The following ITGA2 variants were observed in gnomAD, a reference collection of about 807,000 sequenced individuals.
ITGA2 encodes integrin subunit alpha 2, also known as integrin alpha-2.
ITGA2 carries 101 observed loss-of-function variants against 146.3 expected under a neutral mutation model. The ratio of observed to expected loss-of-function variants is 0.69; its 90% CI spans 0.59 to 0.81. The LOEUF is 0.81. Among genes scored for constraint, ITGA2 ranks in the 40% least tolerant of loss-of-function variants. ITGA2 has a pLI of 0.00. For synonymous variants in ITGA2, 477 were observed against 487.1 expected, an observed-to-expected ratio of 0.98 and a Z score of 0.27; for missense variants, 1,281 against 1,402.7, an observed-to-expected ratio of 0.91 and a Z score of 1.39.
rs983057837 is a variant in ITGA2 at position 53,044,888 on chromosome 5, A to T, written c.296-113A>T. The T allele has an allele frequency of 5.5e-5, 41 of 750,576 alleles. 1 individual carries two copies. The Admixed American group carries it at 6.2e-4, about 11-fold the overall frequency. The allele number at this position is 750,576 out of a possible 1,614,324, so 46.5% of individuals were successfully genotyped here. On this transcript the variant is annotated intron_variant, in intron 3 of 29. Transcript: ENST00000296585. ...TTATATAACTCAAGTACCTATATTG[A>T]TGACACTAAATTCAATGCTACATGC...
At chr5:53,065,173 T>C in intron 14 of ITGA2, 58 bp downstream of exon 14, 1 of 1,499,682 alleles carries the variant, frequency 6.7e-7, no homozygotes, top group South Asian at 1.1e-5. Context: ...ATATTAGACA[T>C]AGAAAGCGTC....
chr5:53,076,227 A>G (rs1252495028), intron 23 of ITGA2, among the ~76,000 whole-genome samples: 1 of 151,996 alleles, frequency 6.6e-6, no homozygotes, highest in Non-Finnish European at 1.5e-5. Flanking sequence ...GCACAGATCA[A>G]TGACCCCTGA....
At chr5:53,060,115 A>T in intron 11 of ITGA2, 103 bp downstream of exon 11, 1 of 1,177,968 alleles carries the variant, frequency 8.5e-7, no homozygotes, top group Non-Finnish European at 1.3e-6. Context: ...TTGAACTGTC[A>T]TCTAATTATC....
Position 53,011,743 on chromosome 5 carries a change from G to GA in ITGA2, c.65-15004dup, listed in dbSNP as rs1487135240. On this transcript the variant is annotated intron_variant, in intron 1 of 29. Coordinates refer to ENST00000296585, the MANE Select transcript of ITGA2 (RefSeq NM_002203.4). ...TGATGGTGAATATGTGAGTGGGGGG[G>GA]AGTGAGGGGAGTGGTAATAAGGAAG... 3.9e-5 allele frequency among the ~76,000 whole-genome samples: 6 copies of GA among 151,960 alleles called. No individual in the cohort carries two copies. In the East Asian group the frequency reaches 1.2e-3, roughly 29 times the overall value.
intron 1 of ITGA2, among the ~76,000 whole-genome samples, chr5:53,017,619 G>T (rs1742457770): frequency 6.6e-6 from 1 of 152,178 alleles, no homozygotes; most frequent in Non-Finnish European, 1.5e-5. Context: ...GCTGGGGTGG[G>T]GCTCCAGAAG....
At chr5:53,079,599 A>G (rs1745819112) in intron 24 of ITGA2, among the ~76,000 whole-genome samples, 1 of 152,108 alleles carries the variant, frequency 6.6e-6, no homozygotes, top group Non-Finnish European at 1.5e-5. Context: ...ATTTTTGTTC[A>G]TTTCTCACTT....
intron 3 of ITGA2, among the ~76,000 whole-genome samples, chr5:53,044,101 C>A (rs1337520803): frequency 6.6e-6 from 1 of 151,204 alleles, no homozygotes; most frequent in Non-Finnish European, 1.5e-5. Context: ...ATGGTGAAAC[C>A]CCATCTCTAC....
chr5:53,060,944 T>C lies in ITGA2; in HGVS notation c.1356T>C (p.Phe452=). Residue 452 remains phenylalanine, a synonymous_variant, in exon 12 of 30, where the codon TTT becomes TTC. Coordinates refer to ENST00000296585, the MANE Select transcript of ITGA2 (RefSeq NM_002203.4). ...AAISTGESTH[F]VAGAPRANYT... is the part of the protein sequence containing the mutation. ...TTTCTACTGGAGAAAGCACTCACTT[T>C]GTTGCTGGTGCTCCTCGGGCAAATT... The C allele has an allele frequency of 6.2e-7, 1 of 1,612,562 alleles. No homozygotes were observed. The highest frequency in any genetic ancestry group is 8.5e-7 in the Non-Finnish European group (1 of 1,178,968).
intron 2 of ITGA2, among the ~76,000 whole-genome samples, chr5:53,030,692 A>G (rs1003962010): frequency 6.6e-6 from 1 of 152,220 alleles, no homozygotes; most frequent in Admixed American, 6.5e-5. Flanking sequence ...AATGCAAAAC[A>G]TAGTTGTTGG....
intron 23 of ITGA2, among the ~76,000 whole-genome samples, chr5:53,077,820 C>G (rs772943736): frequency 1.4e-4 from 22 of 152,026 alleles, no homozygotes; most frequent in Non-Finnish European, 2.8e-4. Flanking sequence ...CCAAAAAATT[C>G]TACTTCAGAA....
chr5:53,058,911 G>A (rs1744774212), intron 10 of ITGA2, among the ~76,000 whole-genome samples: 1 of 151,944 alleles, frequency 6.6e-6, no homozygotes, highest in Non-Finnish European at 1.5e-5. Context: ...AATCCCATGA[G>A]GTTTTTGTAC....
intron 3 of ITGA2, among the ~76,000 whole-genome samples, chr5:53,042,454 G>C (rs1251992907): frequency 6.6e-6 from 1 of 152,088 alleles, no homozygotes; most frequent in Non-Finnish European, 1.5e-5. Flanking sequence ...TATAGACCAT[G>C]GACTGGTTTC....
rs1298394237 is a variant in ITGA2 at position 53,048,376 on chromosome 5, T to C, written c.401T>C (p.Leu134Pro). 6.2e-7 allele frequency: 1 copy of C among 1,613,944 alleles called. No individual in the cohort carries two copies. Among genetic ancestry groups the C allele is most frequent in the Non-Finnish European group, 8.5e-7 (1 of 1,179,806 alleles). Residue 134 changes from leucine to proline, a missense_variant, in exon 5 of 30, where the codon CTG (leucine) becomes CCG (proline). Physicochemically the swap from Leu to Pro is moderately conservative, Grantham distance 98 (BLOSUM62 -3). This residue lies in a region of ITGA2 where 795 missense variants were observed against 841.7 expected (regional missense o/e 0.94). Coordinates refer to ENST00000296585, the MANE Select transcript of ITGA2 (RefSeq NM_002203.4). ...ATTTCTTTGAAGACATGTGGTCCTC[T>C]GTGGGCACAGCAATGTGGGAATCAG... The part of the protein sequence containing the change: ...GTGGFLTCGP[L>P]WAQQCGNQYY...
At chr5:53,086,732 A>G (rs1746173982) in intron 27 of ITGA2, among the ~76,000 whole-genome samples, 1 of 152,190 alleles carries the variant, frequency 6.6e-6, no homozygotes, top group Non-Finnish European at 1.5e-5. Context: ...TGTGGTGGCA[A>G]GGTGCAGACA....
rs1740334233 is a variant in ITGA2, at chr5:53,089,989, C to T, written c.3392C>T (p.Pro1131Leu). Reference protein sequence around the residue: ...IMKPDEKAEVPTGVIIGSIIA... With the variant: ...IMKPDEKAEVLTGVIIGSIIA... ...AAACCTGATGAGAAAGCCGAAGTAC[C>T]AACAGGAGTTATAATAGGAAGTATA... The change falls in exon 29 of 30, where the codon CCA becomes CTA. Residue 1131 changes from proline (P) to leucine (L), a missense_variant. By Grantham distance (98) the Pro-to-Leu change is moderately conservative. Transcript: ENST00000296585. 7.4e-6 allele frequency: 12 copies of T among 1,613,360 alleles called. No homozygotes were observed. Among genetic ancestry groups the T allele is most frequent in the Non-Finnish European group, 1.0e-5 (12 of 1,179,372 alleles).
Position 52,989,527 on chromosome 5 carries a change from G to A in ITGA2, c.59G>A (p.Ser20Asn). The change falls in exon 1 of 30, where the codon AGT (serine) becomes AAT (asparagine). Residue 20 changes from serine (S) to asparagine (N), a missense_variant. By Grantham distance (46) the Ser-to-Asn change is conservative (BLOSUM62 1). Around this residue, in one of 3 missense-constraint regions of ITGA2, gnomAD observed 795 missense variants for 841.7 expected, o/e 0.94. Transcript: ENST00000296585. ...CCGCTGCTGCTGGTGTTAGCGCTCAGTCAAGGTAAGCGGGGATTTCGCTCT... is the reference window on the plus strand; with the variant it reads ...CCGCTGCTGCTGGTGTTAGCGCTCAATCAAGGTAAGCGGGGATTTCGCTCT... ...PLPLLLVLAL[S>N]QGILNCCLAY... is the part of the protein sequence containing the mutation. The A allele has an allele frequency of 1.2e-6, 2 of 1,613,790 alleles. No homozygotes were observed. The highest frequency in any genetic ancestry group is 1.7e-6 in the Non-Finnish European group (2 of 1,179,914).
At position 53,026,628 on chromosome 5, in the gene ITGA2, C is replaced by T. The variant is rs26677; in HGVS notation, c.65-120C>T. On this transcript the variant is annotated intron_variant, in intron 1 of 29. Coordinates refer to ENST00000296585, the MANE Select transcript of ITGA2 (RefSeq NM_002203.4). ...GCAGTAGTTATTTTTTCTGGGTAAACGTTGATAAGTAATAATTATTAGGTC... is the reference window on the plus strand; with the variant it reads ...GCAGTAGTTATTTTTTCTGGGTAAATGTTGATAAGTAATAATTATTAGGTC... 68 of 890,856 alleles carry T rather than the reference C, an allele frequency of 7.6e-5. No individual in the cohort carries two copies. In the African/African-American group the frequency reaches 9.4e-4, roughly 12 times the overall value. The allele number at this position is 890,856 out of a possible 1,614,324, so 55.2% of individuals were successfully genotyped here.
At chr5:52,991,026 TG>T (rs1740927818) in intron 1 of ITGA2, among the ~76,000 whole-genome samples, 1 of 152,176 alleles carries the variant, frequency 6.6e-6, no homozygotes. Context: ...AGGCTTGTTA[TG>T]TAAAGAGCAG....
chr5:53,037,497 A>G (rs1743547105), intron 2 of ITGA2, among the ~76,000 whole-genome samples: 1 of 152,222 alleles, frequency 6.6e-6, no homozygotes, highest in African/African-American at 2.4e-5. Flanking sequence ...TGCACGTAAA[A>G]TTTCATAGAG....
Sources: gnomAD v4.1 joint callset for allele counts (sites outside exome capture counted in the v4.1 genomes callset) on GRCh38, gnomAD v4.1.1 for gene constraint, gnomAD v4.1.1 regional missense constraint, MANE v1.5 for transcripts, NCBI Gene and HGNC (gene_info 2026-07-23, HGNC 2026-07-21) for gene names.